The following CSMD1 variants were observed in gnomAD, a reference collection of about 807,000 sequenced individuals.
CSMD1 encodes CUB and Sushi multiple domains 1.
Under a neutral mutation model 417.5 loss-of-function variants are expected in CSMD1, and 213 were observed. The ratio of observed to expected loss-of-function variants is 0.51; its 90% CI spans 0.46 to 0.57. The LOEUF is 0.57. Ranked by LOEUF, CSMD1 falls within the 20% of genes least tolerant of loss-of-function variation. The probability of loss-of-function intolerance (pLI) is 0.00; values close to 1 mark genes in which losing one functional copy is unlikely to be tolerated. For synonymous variants in CSMD1, 2,862 were observed against 1,736.8 expected (o/e 1.65, Z -16.11); for missense variants, 6,923 against 4,529.7 (o/e 1.53, Z -15.17).
At chr8:3,998,393 T>C (rs1055938948) in intron 4 of CSMD1, among the ~76,000 whole-genome samples, 1 of 152,188 alleles carries the variant, frequency 6.6e-6, no homozygotes, top group Non-Finnish European at 1.5e-5. Context: ...GTACCTGACA[T>C]TGATAGGCAG....
At chr8:3,239,530 G>C (rs891997806) in intron 26 of CSMD1, among the ~76,000 whole-genome samples, 2 of 152,160 alleles carry the variant, frequency 1.3e-5, no homozygotes, top group African/African-American at 2.4e-5. Context: ...TGCCAGTCTT[G>C]GGCAGGGGCA....
intron 1 of CSMD1, among the ~76,000 whole-genome samples, chr8:4,875,654 A>G (rs1803000142): frequency 6.6e-6 from 1 of 152,164 alleles, no homozygotes; most frequent in Non-Finnish European, 1.5e-5. Flanking sequence ...AAGAGAAATT[A>G]CAACAAATCT....
intron 6 of CSMD1, among the ~76,000 whole-genome samples, chr8:3,729,472 T>C (rs1802696070): frequency 6.6e-6 from 1 of 152,124 alleles, no homozygotes; most frequent in Non-Finnish European, 1.5e-5. Flanking sequence ...TTCAAGTGCT[T>C]GAACATAGAG....
At chr8:4,393,080 A>T (rs975304199) in intron 3 of CSMD1, among the ~76,000 whole-genome samples, 3 of 152,078 alleles carry the variant, frequency 2.0e-5, no homozygotes, top group African/African-American at 7.2e-5. Context: ...GGTTCAAGCG[A>T]TTCTCGTGCC....
chr8:4,878,909 G>C (rs979610066), intron 1 of CSMD1, among the ~76,000 whole-genome samples: 1 of 151,606 alleles, frequency 6.6e-6, no homozygotes, highest in African/African-American at 2.4e-5. Flanking sequence ...CGAGCAGAGA[G>C]AACGACAAGG....
At chr8:3,981,557 C>G (rs1005405473) in intron 5 of CSMD1, among the ~76,000 whole-genome samples, 2 of 149,468 alleles carry the variant, frequency 1.3e-5, no homozygotes, top group East Asian at 3.9e-4. Context: ...TAAGTCTTTC[C>G]ACACCGTGTT....
chr8:3,967,611 T>C (rs1812771457), intron 5 of CSMD1, among the ~76,000 whole-genome samples: 1 of 152,108 alleles, frequency 6.6e-6, no homozygotes, highest in African/African-American at 2.4e-5. Context: ...ACAACTGATT[T>C]ATTTTTACGT....
intron 17 of CSMD1, among the ~76,000 whole-genome samples, chr8:3,393,469 G>A (rs1424714752): frequency 6.6e-6 from 1 of 152,132 alleles, no homozygotes; most frequent in African/African-American, 2.4e-5. Context: ...TTTAGGGATG[G>A]AGAGAAAGAA....
chr8:4,802,811 G>C (rs920640598), intron 1 of CSMD1, among the ~76,000 whole-genome samples: 2 of 152,162 alleles, frequency 1.3e-5, no homozygotes, highest in African/African-American at 2.4e-5. Context: ...CATAGGGAAG[G>C]ACAGACTCCA....
intron 1 of CSMD1, among the ~76,000 whole-genome samples, chr8:4,969,569 C>T (rs1028604343): frequency 6.6e-6 from 1 of 151,730 alleles, no homozygotes; most frequent in African/African-American, 2.4e-5. Flanking sequence ...CTCACAACAG[C>T]TCAGTTCTAT....
chr8:3,846,519 G>A (rs981901033), intron 5 of CSMD1, among the ~76,000 whole-genome samples: 5 of 152,166 alleles, frequency 3.3e-5, no homozygotes, highest in South Asian at 2.1e-4. Flanking sequence ...GTATTTCACA[G>A]GAATGGTGGG....
At chr8:4,817,449 G>A (rs921821716) in intron 1 of CSMD1, among the ~76,000 whole-genome samples, 2 of 152,240 alleles carry the variant, frequency 1.3e-5, no homozygotes, top group East Asian at 1.9e-4. Flanking sequence ...GTAGGAGCAA[G>A]ACGCACCTTC....
intron 3 of CSMD1, among the ~76,000 whole-genome samples, chr8:4,366,522 A>G (rs978443772): frequency 6.6e-6 from 1 of 152,098 alleles, no homozygotes; most frequent in Non-Finnish European, 1.5e-5. Flanking sequence ...ACAGTAGCTT[A>G]ATTAATTTGC....
intron 10 of CSMD1, among the ~76,000 whole-genome samples, chr8:3,497,710 G>T (rs71521868): frequency 0.05 from 7,667 of 152,212 alleles, 202 homozygotes; most frequent in Middle Eastern, 0.071. Flanking sequence ...GTTTCTTATA[G>T]GCAGTATGCA....
At chr8:4,719,317 G>A (rs1290021358) in intron 1 of CSMD1, among the ~76,000 whole-genome samples, 3 of 152,110 alleles carry the variant, frequency 2.0e-5, no homozygotes, top group Non-Finnish European at 4.4e-5. Flanking sequence ...AGAAATAAGG[G>A]TTTTCTAATC....
chr8:3,330,192 CTTCAT>C (rs1806800183), intron 23 of CSMD1, among the ~76,000 whole-genome samples: 1 of 152,138 alleles, frequency 6.6e-6, no homozygotes, highest in Non-Finnish European at 1.5e-5. Context: ...CTATAGCATT[CTTCAT>C]TTCATTTTCT....
chr8:3,223,759 G>C lies in CSMD1; in HGVS notation c.4454C>G (p.Pro1485Arg), dbSNP rs571113460. ...GAATATCAAGGCGATGACAAAGTCC[G>C]GGTTCACTTTTACTCTCCAGTCACA... Reference protein sequence around the residue: ...KECDWRVKVNPDFVIALIFKS... With the variant: ...KECDWRVKVNRDFVIALIFKS... Residue 1485 changes from proline to arginine, a missense_variant, in exon 28 of 70, where the codon CCG (proline) becomes CGG (arginine). By Grantham distance (103) the Pro-to-Arg change is moderately radical. Transcript: ENST00000635120. The C allele has an allele frequency of 2.5e-6, 4 of 1,613,772 alleles. No individual in the cohort carries two copies. Among genetic ancestry groups the C allele is most frequent in the African/African-American group, 2.7e-5 (2 of 74,914 alleles).
chr8:3,307,813 C>T lies in CSMD1; in HGVS notation c.3832G>A (p.Gly1278Ser), dbSNP rs1804997992. The part of the protein sequence containing the change: ...KPLPSCIAEC[G>S]GQIHAATSGR... ...GATGTGGCTGCATGGATCTGACCACCACATTCCGCTGTAGAAGACACAGAG... is the reference window on the plus strand; with the variant it reads ...GATGTGGCTGCATGGATCTGACCACTACATTCCGCTGTAGAAGACACAGAG... Residue 1278 changes from glycine to serine, a missense_variant, in exon 25 of 70, where the codon GGT (glycine) becomes AGT (serine). Physicochemically the swap from Gly to Ser is moderately conservative, Grantham distance 56. Coordinates refer to ENST00000635120, the MANE Select transcript of CSMD1 (RefSeq NM_033225.6). 1.2e-6 allele frequency: 2 copies of T among 1,612,494 alleles called. No homozygotes were observed. The highest frequency in any genetic ancestry group is 1.7e-4 in the Middle Eastern group (1 of 6,048).
At chr8:4,789,944 G>A (rs1262870373) in intron 1 of CSMD1, among the ~76,000 whole-genome samples, 2 of 152,130 alleles carry the variant, frequency 1.3e-5, no homozygotes, top group African/African-American at 4.8e-5. Flanking sequence ...AAATGTACCC[G>A]AAAAACGTAT....
Sources: allele counts gnomAD v4.1 joint callset (sites outside exome capture counted in the v4.1 genomes callset), GRCh38; gene constraint gnomAD v4.1.1; transcripts MANE v1.5; gene names NCBI Gene and HGNC (gene_info 2026-07-23, HGNC 2026-07-21).